The following CHRM3 variants were observed in gnomAD, a reference collection of about 807,000 sequenced individuals.
The protein encoded by CHRM3 is cholinergic receptor muscarinic 3.
In CHRM3, 11 loss-of-function variants were observed where a neutral mutation model predicts 41.8. The observed-to-expected ratio is 0.26, with a 90% CI of 0.17 to 0.44. The LOEUF (loss-of-function observed/expected upper bound fraction) is 0.44. CHRM3 is among the 20% of genes least tolerant of loss of function. The pLI is 1.00. For missense variants in CHRM3, 571 were observed against 745.4 expected (o/e 0.77, Z 2.72); for synonymous variants, 297 against 301.4 (o/e 0.99, Z 0.15).
chr1:239,399,229 A>G, intron 1 of CHRM3, among the ~76,000 whole-genome samples: 1 of 152,234 alleles, frequency 6.6e-6, no homozygotes, highest in East Asian at 1.9e-4. Flanking sequence ...TGTATAGTTG[A>G]CAATTAAACA....
At chr1:239,806,797 A>C (rs12059546) in intron 5 of CHRM3, among the ~76,000 whole-genome samples, 1 of 152,098 alleles carries the variant, frequency 6.6e-6, no homozygotes, top group African/African-American at 2.4e-5. Context: ...AATGCTGGCC[A>C]ATAAGGAGAA....
chr1:239,840,215 G>C (rs1299510554), intron 6 of CHRM3, among the ~76,000 whole-genome samples: 2 of 152,104 alleles, frequency 1.3e-5, no homozygotes, highest in African/African-American at 4.8e-5. Context: ...ATATAAGTTT[G>C]CTTTGGTGGT....
At chr1:239,647,191 C>A (rs755553274) in intron 4 of CHRM3, among the ~76,000 whole-genome samples, 2 of 152,142 alleles carry the variant, frequency 1.3e-5, no homozygotes, top group Admixed American at 6.5e-5. Context: ...ATCCGTGACC[C>A]CATTTATCCA....
intron 5 of CHRM3, among the ~76,000 whole-genome samples, chr1:239,788,328 A>T (rs534168760): frequency 6.6e-6 from 1 of 152,352 alleles, no homozygotes; most frequent in African/African-American, 2.4e-5. Flanking sequence ...TTGAGAAAGC[A>T]GACAACCACC....
chr1:239,587,458 C>A (rs564975081), intron 3 of CHRM3, among the ~76,000 whole-genome samples: 1 of 152,212 alleles, frequency 6.6e-6, no homozygotes, highest in South Asian at 2.1e-4. Context: ...GCCAAAGACA[C>A]CAGAAAGAAC....
chr1:239,711,095 T>G (rs747253431), intron 5 of CHRM3, among the ~76,000 whole-genome samples: 1 of 152,116 alleles, frequency 6.6e-6, no homozygotes, highest in Non-Finnish European at 1.5e-5. Context: ...CCCTGGACAT[T>G]GTACAGATGC....
At chr1:239,582,996 T>C (rs57745145) in intron 3 of CHRM3, among the ~76,000 whole-genome samples, 1 of 152,166 alleles carries the variant, frequency 6.6e-6, no homozygotes, top group African/African-American at 2.4e-5. Context: ...CTCAATTACT[T>C]GGATGTGAGT....
At chr1:239,396,444 T>C (rs897096215) in intron 1 of CHRM3, among the ~76,000 whole-genome samples, 3 of 152,040 alleles carry the variant, frequency 2.0e-5, no homozygotes, top group African/African-American at 7.3e-5. Context: ...AAAAAATCTC[T>C]ACAAAAATTA....
intron 4 of CHRM3, among the ~76,000 whole-genome samples, chr1:239,676,052 C>A (rs1452133289): frequency 1.3e-5 from 2 of 152,162 alleles, no homozygotes; most frequent in East Asian, 3.9e-4. Flanking sequence ...CATATCCATG[C>A]CCACTATCCC....
At chr1:239,764,725 T>A (rs977205842) in intron 5 of CHRM3, among the ~76,000 whole-genome samples, 3 of 152,246 alleles carry the variant, frequency 2.0e-5, no homozygotes, top group Non-Finnish European at 2.9e-5. Context: ...TTCAGCTACA[T>A]TAACTCAATA....
chr1:239,642,445 C>G (rs911116328), intron 4 of CHRM3, among the ~76,000 whole-genome samples: 1 of 152,158 alleles, frequency 6.6e-6, no homozygotes, highest in Non-Finnish European at 1.5e-5. Flanking sequence ...TCCCATATTT[C>G]TTGGAGGCTT....
At chr1:239,736,984 C>A (rs1049898566) in intron 5 of CHRM3, among the ~76,000 whole-genome samples, 1 of 152,092 alleles carries the variant, frequency 6.6e-6, no homozygotes. Flanking sequence ...ACTGCTACTG[C>A]AGAAGTATTT....
chr1:239,482,290 C>CT (rs1450511575), intron 1 of CHRM3, among the ~76,000 whole-genome samples: 1 of 151,900 alleles, frequency 6.6e-6, no homozygotes, highest in Admixed American at 6.6e-5. Context: ...TTCTGCATGA[C>CT]TTTTTTTTGA....
Position 239,611,064 on chromosome 1 carries a change from A to T in CHRM3, c.-312-21160A>T, listed in dbSNP as rs150932356. Among the ~76,000 whole-genome samples the T allele has an allele frequency of 2.3e-3, 347 of 152,224 alleles. 2 individuals are homozygous for T. Among genetic ancestry groups the T allele is most frequent in the African/African-American group, 5.4e-3 (223 of 41,532 alleles). On this transcript the variant is annotated intron_variant, in intron 3 of 6. Coordinates refer to ENST00000676153, the MANE Select transcript of CHRM3 (RefSeq NM_001375978.1). ...GACTCAGTCTCAAAAATAATAATAA[A>T]AAAAAAGAAATTCCCTGAACAGTAA...
chr1:239,569,019 GA>G (rs150385766), intron 3 of CHRM3, among the ~76,000 whole-genome samples: 4,972 of 152,240 alleles, frequency 0.033, 103 homozygotes, highest in Middle Eastern at 0.058. Context: ...GCCCTTAGAA[GA>G]AAGAGAAAGG....
chr1:239,868,106 G>A (rs1434320261), intron 6 of CHRM3, among the ~76,000 whole-genome samples: 3 of 152,184 alleles, frequency 2.0e-5, no homozygotes, highest in Non-Finnish European at 4.4e-5. Context: ...CGCACACACT[G>A]TAAAGAAAGA....
chr1:239,684,914 G>A (rs1264775681), intron 5 of CHRM3, among the ~76,000 whole-genome samples: 1 of 152,086 alleles, frequency 6.6e-6, no homozygotes, highest in Non-Finnish European at 1.5e-5. Context: ...GTGTTTGTAG[G>A]TGAACCAAAA....
At chr1:239,623,157 A>T (rs926565030) in intron 3 of CHRM3, among the ~76,000 whole-genome samples, 1 of 152,146 alleles carries the variant, frequency 6.6e-6, no homozygotes, top group Non-Finnish European at 1.5e-5. Flanking sequence ...GTACATGTGC[A>T]CAACGTGCAG....
chr1:239,752,887 G>T (rs752735615), intron 5 of CHRM3, among the ~76,000 whole-genome samples: 3 of 152,066 alleles, frequency 2.0e-5, no homozygotes, highest in Non-Finnish European at 4.4e-5. Flanking sequence ...TAGGGTCAGG[G>T]TTTAAAGGGT....
Sources: allele counts gnomAD v4.1 joint callset (sites outside exome capture counted in the v4.1 genomes callset), GRCh38; gene constraint gnomAD v4.1.1; transcripts MANE v1.5; gene names NCBI Gene and HGNC (gene_info 2026-07-23, HGNC 2026-07-21).